Variants in DARS1 observed in about 807,000 individuals in gnomAD.
The protein encoded by DARS1 is aspartyl-tRNA synthetase 1.
In DARS1, 51 loss-of-function variants were observed where a neutral mutation model predicts 68.8. That is an observed-to-expected ratio of 0.74 (90% CI 0.59 to 0.94). DARS1 has a LOEUF of 0.94. Among genes scored for constraint, DARS1 ranks in the 40% least tolerant of loss-of-function variants. The pLI, the probability that DARS1 is intolerant of heterozygous loss-of-function variation, is 0.00. For missense variants in DARS1, 607 were observed against 597.3 expected (o/e 1.02, Z -0.17); for synonymous variants, 203 against 190.4 (o/e 1.07, Z -0.55).
rs111346414 is a variant in DARS1 at position 135,923,874 on chromosome 2, C to A, written c.676+513G>T. On this transcript the variant is annotated intron_variant, in intron 8 of 15. Coordinates refer to ENST00000264161, the MANE Select transcript of DARS1 (RefSeq NM_001349.4). ...ATCTACTAAACATACAAAATTGGCT[C>A]GGCGTGGTGGTGCATGCTTGTAATC... 4.0e-3 allele frequency among the ~76,000 whole-genome samples: 613 copies of A among 151,914 alleles called. 4 individuals are homozygous for A. Among genetic ancestry groups the A allele is most frequent in the Non-Finnish European group, 5.9e-3 (399 of 67,974 alleles).
chr2:135,929,577 C>T (rs539104985), intron 7 of DARS1, among the ~76,000 whole-genome samples: 1 of 152,126 alleles, frequency 6.6e-6, no homozygotes, highest in African/African-American at 2.4e-5. Context: ...GTAAAGGTAC[C>T]ATACTTGGGA....
At chr2:135,983,514 A>G (rs1682687596) in intron 1 of DARS1, 60 bp from the exon 2 acceptor site, 1 of 672,702 alleles carries the variant, frequency 1.5e-6, no homozygotes. Flanking sequence ...CACAGTAAAC[A>G]CATAAATACT....
intron 5 of DARS1, among the ~76,000 whole-genome samples, chr2:135,937,806 A>T (rs1238932156): frequency 6.6e-6 from 1 of 152,036 alleles, no homozygotes; most frequent in Non-Finnish European, 1.5e-5. Context: ...TTTAAGAATG[A>T]TGAATATTGG....
chr2:135,980,379 C>T (rs567686496), intron 2 of DARS1: 2 of 152,184 alleles, frequency 1.3e-5, no homozygotes, highest in South Asian at 4.2e-4. Context: ...ATTACAATAT[C>T]GAGAATACCT....
At chr2:135,923,452 G>T (rs571427335) in intron 8 of DARS1, among the ~76,000 whole-genome samples, 85 of 152,078 alleles carry the variant, frequency 5.6e-4, no homozygotes, top group African/African-American at 2.0e-3. Context: ...ACCGCGCCCG[G>T]CTAGTTTTTG....
intron 7 of DARS1, among the ~76,000 whole-genome samples, chr2:135,927,062 G>A (rs16832205): frequency 0.16 from 24,472 of 152,052 alleles, 2,271 homozygotes; most frequent in Middle Eastern, 0.39. Context: ...ACACTCTTGC[G>A]TAGAACACAT....
At chr2:135,971,847 T>A (rs1682377772) in intron 3 of DARS1, among the ~76,000 whole-genome samples, 1 of 151,798 alleles carries the variant, frequency 6.6e-6, no homozygotes, top group Non-Finnish European at 1.5e-5. Context: ...CCACATACAA[T>A]AACCACAAAT....
chr2:135,940,835 C>G (rs1170078125), intron 5 of DARS1, among the ~76,000 whole-genome samples: 3 of 152,164 alleles, frequency 2.0e-5, no homozygotes, highest in Non-Finnish European at 2.9e-5. Flanking sequence ...AATCAATGTA[C>G]AAAAATCACA....
chr2:135,961,534 A>T, intron 3 of DARS1, 36 bp from the exon 4 acceptor site: 1 of 1,000,040 alleles, frequency 1.0e-6, no homozygotes, highest in Admixed American at 1.7e-5. Context: ...TGTATTAAGG[A>T]CACGCAACTT....
intron 7 of DARS1, among the ~76,000 whole-genome samples, chr2:135,925,235 C>A (rs1254260291): frequency 6.6e-6 from 1 of 152,102 alleles, no homozygotes; most frequent in Non-Finnish European, 1.5e-5. Flanking sequence ...AACTTTTGTC[C>A]ACTTCTCTGG....
chr2:135,970,916 A>C (rs1322739436), intron 3 of DARS1, among the ~76,000 whole-genome samples: 3 of 152,202 alleles, frequency 2.0e-5, no homozygotes, highest in African/African-American at 4.8e-5. Flanking sequence ...CCAAAATCTG[A>C]GCAGACCAGT....
At chr2:135,983,671 T>C (rs779033630) in intron 1 of DARS1, among the ~76,000 whole-genome samples, 8 of 152,238 alleles carry the variant, frequency 5.3e-5, no homozygotes, top group Non-Finnish European at 1.0e-4. Flanking sequence ...TAGTTTGTTT[T>C]GAAGATCACC....
At chr2:135,943,818 C>A (rs1681659157) in intron 4 of DARS1, among the ~76,000 whole-genome samples, 1 of 152,108 alleles carries the variant, frequency 6.6e-6, no homozygotes, top group Non-Finnish European at 1.5e-5. Context: ...TTTTGAGAAT[C>A]ACTAAGATCA....
chr2:135,978,142 CAAAAAAAAAAA>C (rs59505882), intron 3 of DARS1, among the ~76,000 whole-genome samples: 1 of 54,736 alleles, frequency 1.8e-5, no homozygotes, highest in Non-Finnish European at 3.5e-5. Flanking sequence ...GACTCTGTCT[CAAAAAAAAAAA>C]AAAAAAAAAA....
At chr2:135,939,517 G>A (rs1432514991) in intron 5 of DARS1, among the ~76,000 whole-genome samples, 1 of 152,212 alleles carries the variant, frequency 6.6e-6, no homozygotes, top group African/African-American at 2.4e-5. Flanking sequence ...GCAGTGTGTA[G>A]AGGGAAATTT....
chr2:135,964,639 G>C (rs971236217), intron 3 of DARS1, among the ~76,000 whole-genome samples: 99 of 152,150 alleles, frequency 6.5e-4, no homozygotes, highest in Admixed American at 5.8e-3. Flanking sequence ...TCAGGAGTTC[G>C]AGACTAGGTT....
chr2:135,910,109 T>C (rs372525612), intron 15 of DARS1, among the ~76,000 whole-genome samples: 1 of 152,182 alleles, frequency 6.6e-6, no homozygotes, highest in Non-Finnish European at 1.5e-5. Flanking sequence ...CTATTGTAAA[T>C]AATGCTGCAT....
intron 7 of DARS1, among the ~76,000 whole-genome samples, chr2:135,925,500 T>C (rs1001643122): frequency 1.3e-5 from 2 of 152,216 alleles, no homozygotes; most frequent in African/African-American, 2.4e-5. Context: ...AATGGAATGA[T>C]TACATTTCTT....
intron 7 of DARS1, among the ~76,000 whole-genome samples, chr2:135,928,223 G>A (rs1475187329): frequency 6.6e-6 from 1 of 152,136 alleles, no homozygotes; most frequent in African/African-American, 2.4e-5. Context: ...TTTAATGGCT[G>A]TAGAGAATTC....
Sources: gnomAD v4.1 joint callset for allele counts (sites outside exome capture counted in the v4.1 genomes callset) on GRCh38, gnomAD v4.1.1 for gene constraint, MANE v1.5 for transcripts, NCBI Gene and HGNC (gene_info 2026-07-23, HGNC 2026-07-21) for gene names.